Variants in TBC1D1 observed in about 807,000 individuals in gnomAD.
TBC1D1 encodes TBC1 domain family member 1.
Under a neutral mutation model 125.6 loss-of-function variants are expected in TBC1D1, and 89 were observed. The ratio of observed to expected loss-of-function variants is 0.71; its 90% CI spans 0.60 to 0.85. The LOEUF is 0.85. TBC1D1 is among the 40% of genes least tolerant of loss of function. The pLI is 0.00. For synonymous variants in TBC1D1, 565 were observed against 564.1 expected, an observed-to-expected ratio of 1.00 and a Z score of -0.02; for missense variants, 1,377 against 1,469.2, an observed-to-expected ratio of 0.94 and a Z score of 1.03.
chr4:37,961,117 CATAAAT>C (rs768675301), intron 2 of TBC1D1: 28 of 1,466,584 alleles, frequency 1.9e-5, no homozygotes, highest in South Asian at 1.4e-4. Context: ...ATAATAAATA[CATAAAT>C]ATAAAGTGGG....
At chr4:37,894,115 A>G (rs1714008918) in intron 1 of TBC1D1, among the ~76,000 whole-genome samples, 1 of 151,746 alleles carries the variant, frequency 6.6e-6, no homozygotes, top group African/African-American at 2.4e-5. Flanking sequence ...CAGCCTCCCA[A>G]GTAGCTGGGA....
chr4:38,004,554 T>C (rs1739712368), intron 2 of TBC1D1, among the ~76,000 whole-genome samples: 1 of 152,232 alleles, frequency 6.6e-6, no homozygotes, highest in Admixed American at 6.5e-5. Context: ...TTGCAGTTAA[T>C]GAAATCAATG....
chr4:37,980,794 C>T (rs951670640), intron 2 of TBC1D1, among the ~76,000 whole-genome samples: 2 of 150,272 alleles, frequency 1.3e-5, no homozygotes, highest in Admixed American at 1.3e-4. Flanking sequence ...TTCCAGTGCT[C>T]ATTCAACAAG....
intron 12 of TBC1D1, among the ~76,000 whole-genome samples, chr4:38,066,325 A>ATATT (rs1191749888): frequency 1.5e-5 from 2 of 129,636 alleles, no homozygotes; most frequent in Non-Finnish European, 3.3e-5. Flanking sequence ...TATGTTATTT[A>ATATT]TATTTATTTA....
intron 2 of TBC1D1, among the ~76,000 whole-genome samples, chr4:37,922,977 T>C (rs188656017): frequency 4.3e-4 from 66 of 152,194 alleles, no homozygotes; most frequent in African/African-American, 1.5e-3. Flanking sequence ...TTAATTATAC[T>C]TTAAGTTCTT....
At chr4:38,058,390 C>G (rs1363072031) in intron 12 of TBC1D1, among the ~76,000 whole-genome samples, 1 of 152,202 alleles carries the variant, frequency 6.6e-6, no homozygotes, top group Non-Finnish European at 1.5e-5. Context: ...CCCCAGAGGT[C>G]CCTGCTTTGT....
At chr4:38,131,090 G>C (rs1298749589) in intron 18 of TBC1D1, among the ~76,000 whole-genome samples, 1 of 152,208 alleles carries the variant, frequency 6.6e-6, no homozygotes, top group Non-Finnish European at 1.5e-5. Context: ...TAGGAGTCTT[G>C]GCAGTCAGGA....
At chr4:38,127,417 C>T (rs1437754296) in intron 18 of TBC1D1, among the ~76,000 whole-genome samples, 2 of 139,202 alleles carry the variant, frequency 1.4e-5, no homozygotes, top group African/African-American at 5.6e-5. Flanking sequence ...CAGAGTCTTG[C>T]TCTGCTACCC....
chr4:37,969,401 G>A (rs140632367), intron 2 of TBC1D1, among the ~76,000 whole-genome samples: 2 of 152,310 alleles, frequency 1.3e-5, no homozygotes, highest in African/African-American at 4.8e-5. Context: ...GGAGTGCAAT[G>A]GCACAATCTC....
intron 2 of TBC1D1, among the ~76,000 whole-genome samples, chr4:37,993,989 T>C (rs1265801707): frequency 6.6e-6 from 1 of 152,202 alleles, no homozygotes; most frequent in Non-Finnish European, 1.5e-5. Context: ...AATTCCCTGA[T>C]TGTAAAATAT....
chr4:38,133,834 C>T (rs777868833), intron 19 of TBC1D1, among the ~76,000 whole-genome samples: 10 of 152,148 alleles, frequency 6.6e-5, no homozygotes, highest in African/African-American at 1.7e-4. Flanking sequence ...AGACTGTGCA[C>T]GCAGGAGGGT....
At position 38,021,736 on chromosome 4, in the gene TBC1D1, T is replaced by A. The variant is rs762402598; in HGVS notation, c.1210+18T>A. ...GATAGAGGGTGAGTAGGGGACCCTTTCCAGCATGAACACAGTGGGAGTTAA... is the reference window on the plus strand; with the variant it reads ...GATAGAGGGTGAGTAGGGGACCCTTACCAGCATGAACACAGTGGGAGTTAA... On this transcript the variant is annotated intron_variant, in intron 6 of 19. Transcript: ENST00000261439. The A allele has an allele frequency of 2.0e-6, 3 of 1,527,028 alleles. No homozygotes were observed. In the South Asian group the frequency reaches 3.8e-5, roughly 19 times the overall value. 94.6% of individuals were successfully genotyped at this position (1,527,028 alleles called of 1,614,324 possible). A position where few individuals can be genotyped will look rare whatever the true frequency, so the allele number is the denominator to read the frequency against.
intron 12 of TBC1D1, among the ~76,000 whole-genome samples, chr4:38,068,208 C>G (rs1203905609): frequency 1.3e-5 from 2 of 152,278 alleles, no homozygotes; most frequent in African/African-American, 4.8e-5. Context: ...GCGGAAATCC[C>G]TAGTGTACTT....
intron 12 of TBC1D1, among the ~76,000 whole-genome samples, chr4:38,077,014 T>G (rs1298930993): frequency 1.3e-5 from 2 of 152,190 alleles, no homozygotes; most frequent in African/African-American, 4.8e-5. Flanking sequence ...TTAGGCTCCG[T>G]TTTTCAGACC....
rs5857594 is a variant in TBC1D1, at chr4:38,079,728, CA to C, written c.2051-10193del. Among the ~76,000 whole-genome samples the C allele has an allele frequency of 3.9e-3, 555 of 140,862 alleles. 3 individuals are homozygous for C. The highest frequency in any genetic ancestry group is 0.018 in the Middle Eastern group (5 of 272). The allele number at this position is 140,862 out of a possible 152,430, so 92.4% of individuals were successfully genotyped here. On this transcript the variant is annotated intron_variant, in intron 12 of 19. Coordinates refer to ENST00000261439, the MANE Select transcript of TBC1D1 (RefSeq NM_015173.4). ...GGGCAACAAGAGCGAGACTCCATCT[CA>C]AAAAAAAAAAGCAAGTTATATTACA...
At chr4:38,051,998 CTT>C in intron 11 of TBC1D1, 1 of 1,551,050 alleles carries the variant, frequency 6.4e-7, no homozygotes, top group East Asian at 2.4e-5. Flanking sequence ...CCTCGCCAAA[CTT>C]TTTTAAGTAC....
intron 2 of TBC1D1, among the ~76,000 whole-genome samples, chr4:37,953,146 G>A (rs1446682314): frequency 6.6e-6 from 1 of 152,198 alleles, no homozygotes; most frequent in African/African-American, 2.4e-5. Context: ...CGACAAGTTT[G>A]GAATGAAAGC....
Position 38,052,649 on chromosome 4 carries a change from T to A in TBC1D1, c.1911-1550T>A, listed in dbSNP as rs553816222. Reference sequence around the variant, plus strand: ...TGCACCCTGCTGCAAATTGTTTTTTTATACTTATTTTCACATTTCCTTGCC... The same window carrying A: ...TGCACCCTGCTGCAAATTGTTTTTTAATACTTATTTTCACATTTCCTTGCC... On this transcript the variant is annotated intron_variant, in intron 11 of 19. Coordinates refer to ENST00000261439, the MANE Select transcript of TBC1D1 (RefSeq NM_015173.4). 3.3e-5 allele frequency among the ~76,000 whole-genome samples: 5 copies of A among 152,158 alleles called. No homozygotes were observed. In the South Asian group the frequency reaches 6.2e-4, roughly 19 times the overall value.
intron 1 of TBC1D1, among the ~76,000 whole-genome samples, chr4:37,899,332 C>G (rs1715334320): frequency 6.6e-6 from 1 of 152,002 alleles, no homozygotes; most frequent in African/African-American, 2.4e-5. Flanking sequence ...TAAATTCAGG[C>G]CTAGGAGCCT....
Sources: gnomAD v4.1 joint callset for allele counts (sites outside exome capture counted in the v4.1 genomes callset) on GRCh38, gnomAD v4.1.1 for gene constraint, MANE v1.5 for transcripts, NCBI Gene and HGNC (gene_info 2026-07-23, HGNC 2026-07-21) for gene names.